The following CSMD1 variants were observed in gnomAD, a reference collection of about 807,000 sequenced individuals.
CSMD1 encodes CUB and Sushi multiple domains 1, also known as CUB and sushi domain-containing protein 1.
CSMD1 carries 213 observed loss-of-function variants against 417.5 expected under a neutral mutation model. That is an observed-to-expected ratio of 0.51 (90% CI 0.46 to 0.57). CSMD1 has a LOEUF of 0.57. Among genes scored for constraint, CSMD1 ranks in the 20% least tolerant of loss-of-function variants. CSMD1 has a pLI of 0.00. For synonymous variants in CSMD1, 2,862 were observed against 1,736.8 expected (o/e 1.65, Z -16.11); for missense variants, 6,923 against 4,529.7 (o/e 1.53, Z -15.17).
intron 1 of CSMD1, among the ~76,000 whole-genome samples, chr8:4,925,128 T>C (rs1806766551): frequency 6.6e-6 from 1 of 152,018 alleles, no homozygotes; most frequent in Admixed American, 6.6e-5. Flanking sequence ...TCTTTCTGAA[T>C]GTTTAGTCCC....
chr8:4,361,903 C>A (rs1298641990), intron 3 of CSMD1, among the ~76,000 whole-genome samples: 1 of 151,934 alleles, frequency 6.6e-6, no homozygotes, highest in African/African-American at 2.4e-5. Flanking sequence ...TGCAGTGAGG[C>A]GAGTTCACTC....
intron 5 of CSMD1, among the ~76,000 whole-genome samples, chr8:3,767,650 T>C (rs1006333048): frequency 6.6e-6 from 1 of 152,200 alleles, no homozygotes; most frequent in South Asian, 2.1e-4. Flanking sequence ...ATGCATACTG[T>C]ATATGATATA....
chr8:3,997,602 C>G (rs1331088758), intron 5 of CSMD1, among the ~76,000 whole-genome samples: 1 of 152,298 alleles, frequency 6.6e-6, no homozygotes, highest in Admixed American at 6.5e-5. Flanking sequence ...CAGCTTCAGA[C>G]CAAACCCAAA....
At chr8:4,382,180 A>C (rs971341923) in intron 3 of CSMD1, among the ~76,000 whole-genome samples, 6 of 152,206 alleles carry the variant, frequency 3.9e-5, no homozygotes, top group South Asian at 2.1e-4. Flanking sequence ...GTTATTATAT[A>C]ATTAGGAAGA....
chr8:3,755,163 A>G (rs7006576), intron 5 of CSMD1, among the ~76,000 whole-genome samples: 52,655 of 152,124 alleles, frequency 0.35, 9,211 homozygotes, highest in Non-Finnish European at 0.36. Context: ...CGCAAGGGAC[A>G]CATTTAGTTT....
intron 1 of CSMD1, among the ~76,000 whole-genome samples, chr8:4,753,613 C>T (rs1054689651): frequency 2.0e-5 from 3 of 152,214 alleles, no homozygotes; most frequent in African/African-American, 2.4e-5. Flanking sequence ...CTCACAGTAT[C>T]AGGCGTCTCA....
intron 37 of CSMD1, among the ~76,000 whole-genome samples, chr8:3,178,207 T>C (rs1414704480): frequency 6.6e-6 from 1 of 152,172 alleles, no homozygotes; most frequent in Non-Finnish European, 1.5e-5. Context: ...CTTTCAAATA[T>C]AAGTGTTTGG....
chr8:3,923,196 G>C (rs539628681), intron 5 of CSMD1, among the ~76,000 whole-genome samples: 4 of 152,208 alleles, frequency 2.6e-5, no homozygotes, highest in African/African-American at 9.6e-5. Context: ...CTAATGAGTG[G>C]CTGACTCTGG....
At chr8:3,937,366 T>C (rs1034147958) in intron 5 of CSMD1, among the ~76,000 whole-genome samples, 1 of 152,168 alleles carries the variant, frequency 6.6e-6, no homozygotes, top group Non-Finnish European at 1.5e-5. Flanking sequence ...AGGAATCAAC[T>C]GACGTGGTAA....
chr8:3,532,880 A>AT (rs1046908150), intron 10 of CSMD1, among the ~76,000 whole-genome samples: 18 of 152,296 alleles, frequency 1.2e-4, no homozygotes, highest in Admixed American at 1.2e-3. Flanking sequence ...ACTGAGATCT[A>AT]TTTTTTAATC....
At chr8:4,376,581 A>G (rs1349191030) in intron 3 of CSMD1, among the ~76,000 whole-genome samples, 1 of 152,028 alleles carries the variant, frequency 6.6e-6, no homozygotes, top group East Asian at 1.9e-4. Flanking sequence ...TGTTGTTACA[A>G]CATTGAGTTA....
chr8:4,781,448 T>C (rs1403149632), intron 1 of CSMD1, among the ~76,000 whole-genome samples: 1 of 152,222 alleles, frequency 6.6e-6, no homozygotes, highest in Non-Finnish European at 1.5e-5. Flanking sequence ...GACCGTCATC[T>C]TATCTGATGT....
chr8:4,800,813 C>A (rs779369927), intron 1 of CSMD1, among the ~76,000 whole-genome samples: 22 of 152,220 alleles, frequency 1.4e-4, no homozygotes, highest in Non-Finnish European at 3.1e-4. Context: ...GGGAGGGCAC[C>A]TGAGTGGTGG....
chr8:3,770,053 C>G (rs751874725), intron 5 of CSMD1, among the ~76,000 whole-genome samples: 10 of 152,172 alleles, frequency 6.6e-5, no homozygotes, highest in Non-Finnish European at 1.3e-4. Flanking sequence ...GATTCCTGAT[C>G]AGGGAAGGCT....
At chr8:4,747,054 T>G (rs1449204339) in intron 1 of CSMD1, among the ~76,000 whole-genome samples, 1 of 152,096 alleles carries the variant, frequency 6.6e-6, no homozygotes, top group Non-Finnish European at 1.5e-5. Context: ...CCCACCAGAA[T>G]GGATCACCAT....
intron 32 of CSMD1, among the ~76,000 whole-genome samples, 153 bp downstream of exon 32, chr8:3,201,459 A>T (rs1158584613): frequency 6.6e-6 from 1 of 152,228 alleles, no homozygotes; most frequent in East Asian, 1.9e-4. Flanking sequence ...TTGAGATCTT[A>T]TATCTAAAAT....
intron 3 of CSMD1, among the ~76,000 whole-genome samples, chr8:4,092,047 A>T (rs796297502): frequency 6.6e-6 from 1 of 152,294 alleles, no homozygotes; most frequent in African/African-American, 2.4e-5. Flanking sequence ...GGAAGGGGGC[A>T]ATTTTATTTC....
intron 5 of CSMD1, among the ~76,000 whole-genome samples, chr8:3,763,928 A>T (rs912263303): frequency 1.3e-5 from 2 of 152,152 alleles, no homozygotes; most frequent in African/African-American, 4.8e-5. Context: ...CTCTATGGGA[A>T]TCAAAAGATC....
chr8:4,588,388 T>C (rs1261186573), intron 2 of CSMD1, among the ~76,000 whole-genome samples: 3 of 62,228 alleles, frequency 4.8e-5, no homozygotes, highest in African/African-American at 1.7e-4. Flanking sequence ...GATAAAGAAC[T>C]ATCTCATAAA....
Sources: gnomAD v4.1 joint callset for allele counts (sites outside exome capture counted in the v4.1 genomes callset) on GRCh38, gnomAD v4.1.1 for gene constraint, MANE v1.5 for transcripts, NCBI Gene and HGNC (gene_info 2026-07-23, HGNC 2026-07-21) for gene names.